TMEM87A: variants seen among roughly 807,000 people sequenced by gnomAD.
The protein encoded by TMEM87A is Golgi-pH regulating cation channel.
Under a neutral mutation model 90.0 loss-of-function variants are expected in TMEM87A, and 50 were observed. The ratio of observed to expected loss-of-function variants is 0.56; its 90% CI spans 0.44 to 0.70. The LOEUF (loss-of-function observed/expected upper bound fraction) is 0.70. Ranked by LOEUF, TMEM87A falls within the 30% of genes least tolerant of loss-of-function variation. TMEM87A has a pLI of 0.00. For synonymous variants in TMEM87A, 226 were observed against 226.7 expected, an observed-to-expected ratio of 1.00 and a Z score of 0.03; for missense variants, 577 against 660.5, an observed-to-expected ratio of 0.87 and a Z score of 1.39.
intron 6 of TMEM87A, among the ~76,000 whole-genome samples, chr15:42,252,345 T>C (rs2051102744): frequency 6.6e-6 from 1 of 151,942 alleles, no homozygotes; most frequent in Non-Finnish European, 1.5e-5. Flanking sequence ...CGCTGGGAGC[T>C]GTAGACGGAG....
At chr15:42,258,478 G>T (rs1051937532) in intron 6 of TMEM87A, 20 of 454,292 alleles carry the variant, frequency 4.4e-5, no homozygotes, top group African/African-American at 3.8e-4. Flanking sequence ...CCAGGCTGGA[G>T]TGCAGTAGCG....
At chr15:42,239,762 AC>A in intron 7 of TMEM87A, 31 bp from the exon 8 acceptor site, 1 of 1,586,908 alleles carries the variant, frequency 6.3e-7, no homozygotes, top group Non-Finnish European at 8.7e-7. Flanking sequence ...GAATTAATTT[AC>A]AGGATGCAGA....
intron 2 of TMEM87A, among the ~76,000 whole-genome samples, chr15:42,270,474 T>C (rs1238383269): frequency 6.6e-6 from 1 of 152,082 alleles, no homozygotes; most frequent in African/African-American, 2.4e-5. Flanking sequence ...CTCATGCCTG[T>C]AATCCCAGCT....
In TMEM87A at chr15:42,233,319, C is replaced by T; in HGVS notation, c.969-13G>A. 1 of 1,606,968 alleles carries T rather than the reference C, an allele frequency of 6.2e-7. No individual in the cohort carries two copies. Among genetic ancestry groups the T allele is most frequent in the Non-Finnish European group, 8.5e-7 (1 of 1,174,558 alleles). ...TCCAAGGCGTGGCCTAAAGAGGAAG[C>T]AAGGAGATATTTGAGTACATATGGG... On this transcript the variant is annotated splice_polypyrimidine_tract_variant and intron_variant, in intron 10 of 19. Transcript: ENST00000389834.
intron 2 of TMEM87A, chr15:42,271,457 T>C (rs1449441237): frequency 6.6e-6 from 1 of 152,196 alleles, no homozygotes; most frequent in East Asian, 1.9e-4. Flanking sequence ...ACATAACATT[T>C]CAGTAAATGA....
chr15:42,264,162 T>A lies in TMEM87A; in HGVS notation c.333A>T (p.Lys111Asn). The change falls in exon 4 of 20, where the codon AAA becomes AAT. Residue 111 changes from lysine to asparagine, a missense_variant. Lys to Asn is a moderately conservative substitution (Grantham distance 94). Coordinates refer to ENST00000389834, the MANE Select transcript of TMEM87A (RefSeq NM_015497.5). ...VELYLEKLKEKRGLSGKYQTS... is the reference protein window; with the variant it reads ...VELYLEKLKENRGLSGKYQTS... ...TTTGATATTTCCCAGACAAGCCTCT[T>A]TTTTCCTTAAGTTTTTCCAAATACA... 1 of 1,613,854 alleles carries A rather than the reference T, an allele frequency of 6.2e-7. No individual in the cohort carries two copies. Among genetic ancestry groups the A allele is most frequent in the Non-Finnish European group, 8.5e-7 (1 of 1,179,910 alleles).
chr15:42,237,658 C>A, intron 8 of TMEM87A, 43 bp from the exon 9 acceptor site: 5 of 1,450,166 alleles, frequency 3.4e-6, no homozygotes, highest in Non-Finnish European at 3.7e-6. Flanking sequence ...GAATTAGGGC[C>A]AAGAGCCAAG....
intron 15 of TMEM87A, among the ~76,000 whole-genome samples, chr15:42,225,978 C>T (rs982082821): frequency 6.6e-6 from 1 of 152,096 alleles, no homozygotes; most frequent in African/African-American, 2.4e-5. Context: ...GTGCCATTTT[C>T]CAACAGTAAT....
At chr15:42,224,502 T>C (rs2140923686) in intron 15 of TMEM87A, 1 of 152,252 alleles carries the variant, frequency 6.6e-6, no homozygotes, top group South Asian at 2.1e-4. Context: ...GGAAAGAAAA[T>C]ACAGATTTCC....
chr15:42,244,269 T>C (rs1219701272), intron 6 of TMEM87A, 102 bp from the exon 7 acceptor site: 3 of 729,806 alleles, frequency 4.1e-6, no homozygotes, highest in East Asian at 5.9e-5. Context: ...CCCAGAAATA[T>C]GGTAAAGTCC....
At chr15:42,231,360 T>G in intron 11 of TMEM87A, 100 bp from the exon 12 acceptor site, 1 of 927,822 alleles carries the variant, frequency 1.1e-6, no homozygotes, top group Non-Finnish European at 1.6e-6. Context: ...ACTGGAAAGT[T>G]TTTGCATTGA....
At chr15:42,237,643 A>C in intron 8 of TMEM87A, 28 bp from the exon 9 acceptor site, 2 of 1,545,468 alleles carry the variant, frequency 1.3e-6, no homozygotes, top group Non-Finnish European at 1.7e-6. Flanking sequence ...AAAAGATAAA[A>C]AGGAGAATTA....
At chr15:42,273,457 T>C, upstream of TMEM87A, 1 of 1,605,190 alleles carries the variant, frequency 6.2e-7, no homozygotes, top group Non-Finnish European at 8.5e-7. Flanking sequence ...TCGTCCCGCC[T>C]TCTTCCGGCT....
chr15:42,217,665 T>G (rs1263195215), intron 19 of TMEM87A, 138 bp downstream of exon 19: 1 of 731,666 alleles, frequency 1.4e-6, no homozygotes, highest in African/African-American at 1.8e-5. Context: ...ATTTCTATTC[T>G]TATCCTTTTC....
chr15:42,228,570 T>G, intron 13 of TMEM87A, 142 bp downstream of exon 13: 1 of 650,890 alleles, frequency 1.5e-6, no homozygotes, highest in Non-Finnish European at 2.7e-6. Flanking sequence ...CACAGATCCT[T>G]CTGAGAATTT....
chr15:42,247,003 G>C (rs562231315), intron 6 of TMEM87A, among the ~76,000 whole-genome samples: 143 of 152,192 alleles, frequency 9.4e-4, no homozygotes, highest in African/African-American at 3.2e-3. Flanking sequence ...GCATGAGATG[G>C]TATCTCATTG....
rs903641964 is a variant in TMEM87A at position 42,231,656 on chromosome 15, T to A, written c.1063-396A>T. Among the ~76,000 whole-genome samples the A allele has an allele frequency of 3.3e-5, 5 of 152,218 alleles. No homozygotes were observed. In the East Asian group the frequency reaches 9.6e-4, roughly 29 times the overall value. On this transcript the variant is annotated intron_variant, in intron 11 of 19. Coordinates refer to ENST00000389834, the MANE Select transcript of TMEM87A (RefSeq NM_015497.5). ...TTTTCTCGTATTTAAAAAAAATTAC[T>A]GCATCATATACAAAGAATTATTAAT...
Position 42,264,187 on chromosome 15 carries a change from A to T in TMEM87A, c.308T>A (p.Leu103Ter). The part of the protein sequence containing the change: ...IYNFKAEEVE[L>*]YLEKLKEKRG... The stretch of plus-strand genomic sequence containing the variant: ...TTTTTCCTTAAGTTTTTCCAAATAC[A>T]ACTCTACTTCTTCTGCCTGGAAAAA... Residue 103 changes from leucine to a stop codon, truncating the protein, a stop_gained, in exon 4 of 20, where the codon TTG (leucine) becomes TAG (stop). Transcript: ENST00000389834. LOFTEE classifies it high-confidence loss of function. The T allele has an allele frequency of 6.2e-7, 1 of 1,612,970 alleles. No individual in the cohort carries two copies. The highest frequency in any genetic ancestry group is 8.5e-7 in the Non-Finnish European group (1 of 1,179,274).
intron 1 of TMEM87A, among the ~76,000 whole-genome samples, 168 bp from the exon 2 acceptor site, chr15:42,272,291 T>A (rs1485318096): frequency 6.6e-6 from 1 of 152,224 alleles, no homozygotes; most frequent in Non-Finnish European, 1.5e-5. Flanking sequence ...GAATAACCAA[T>A]CATTTTTTCT....
Sources: allele counts gnomAD v4.1 joint callset (sites outside exome capture counted in the v4.1 genomes callset), GRCh38; gene constraint gnomAD v4.1.1; transcripts MANE v1.5; gene names NCBI Gene and HGNC (gene_info 2026-07-23, HGNC 2026-07-21).